ANK3: variants seen among roughly 807,000 people sequenced by gnomAD.
ANK3 encodes the protein ankyrin-3.
Under a neutral mutation model 370.9 loss-of-function variants are expected in ANK3, and 57 were observed. The observed-to-expected ratio is 0.15, with a 90% confidence interval of 0.12 to 0.19. ANK3 has a LOEUF of 0.19. ANK3 is among the 10% of genes least tolerant of loss of function. The probability of loss-of-function intolerance (pLI) is 1.00; values close to 1 mark genes in which losing one functional copy is unlikely to be tolerated. For synonymous variants in ANK3, 1,929 were observed against 1,946.3 expected (o/e 0.99, Z 0.23); for missense variants, 4,439 against 5,302.1 (o/e 0.84, Z 5.06).
At chr10:60,264,702 A>AAT in intron 5 of ANK3, among the ~76,000 whole-genome samples, 1 of 152,308 alleles carries the variant, frequency 6.6e-6, no homozygotes, top group Admixed American at 6.5e-5. Flanking sequence ...AGATCATTTA[A>AAT]ATAAGATGTA....
chr10:60,234,579 C>G (rs1401344716), intron 8 of ANK3, 109 bp downstream of exon 8: 4 of 628,446 alleles, frequency 6.4e-6, no homozygotes, highest in Non-Finnish European at 1.1e-5. Context: ...GAGACTATAA[C>G]AAATAGAACA....
At chr10:60,227,326 C>T (rs1565829485) in intron 8 of ANK3, among the ~76,000 whole-genome samples, 1 of 151,958 alleles carries the variant, frequency 6.6e-6, no homozygotes, top group Non-Finnish European at 1.5e-5. Context: ...CTTTCCCATT[C>T]ATGATATGTC....
intron 23 of ANK3, among the ~76,000 whole-genome samples, chr10:60,148,242 T>C (rs1384641086): frequency 6.6e-6 from 1 of 152,122 alleles, no homozygotes; most frequent in South Asian, 2.1e-4. Context: ...GTTTTTTTTT[T>C]AGTACAAACC....
intron 1 of ANK3, among the ~76,000 whole-genome samples, chr10:60,364,305 A>AG (rs1458151935): frequency 1.3e-5 from 2 of 151,884 alleles, no homozygotes; most frequent in African/African-American, 4.8e-5. Flanking sequence ...AAAAAAAAAA[A>AG]AGAGAAAATG....
At chr10:60,129,626 G>A (rs1420324919) in intron 25 of ANK3, among the ~76,000 whole-genome samples, 1 of 152,148 alleles carries the variant, frequency 6.6e-6, no homozygotes, top group Non-Finnish European at 1.5e-5. Context: ...GGTGGCACAT[G>A]CCTGTAATTC....
intron 2 of ANK3, among the ~76,000 whole-genome samples, chr10:60,583,042 T>C (rs1028025296): frequency 1.2e-4 from 19 of 152,340 alleles, no homozygotes; most frequent in African/African-American, 4.6e-4. Flanking sequence ...ATCAATATGT[T>C]GAAGAGATAT....
chr10:60,491,241 A>G (rs1484707464), intron 2 of ANK3, among the ~76,000 whole-genome samples: 1 of 152,160 alleles, frequency 6.6e-6, no homozygotes, highest in Non-Finnish European at 1.5e-5. Flanking sequence ...CAACATTTGT[A>G]TATTAGTCTT....
At chr10:60,494,568 A>C (rs1321724933) in intron 2 of ANK3, among the ~76,000 whole-genome samples, 1 of 152,180 alleles carries the variant, frequency 6.6e-6, no homozygotes, top group Non-Finnish European at 1.5e-5. Flanking sequence ...GATGCTTGAC[A>C]TATAGTTTGC....
chr10:60,716,247 C>T (rs2079786551), intron 1 of ANK3, among the ~76,000 whole-genome samples: 1 of 152,002 alleles, frequency 6.6e-6, no homozygotes, highest in South Asian at 2.1e-4. Flanking sequence ...CTTGCCCTCT[C>T]AAGAAAAACT....
intron 2 of ANK3, among the ~76,000 whole-genome samples, chr10:60,486,323 A>G (rs2075346344): frequency 6.6e-6 from 1 of 152,238 alleles, no homozygotes; most frequent in African/African-American, 2.4e-5. Flanking sequence ...TCATGCCTGT[A>G]ATCCCAGCAC....
At chr10:60,300,431 G>C (rs1170428692) in intron 1 of ANK3, 4 of 1,288,706 alleles carry the variant, frequency 3.1e-6, no homozygotes, top group African/African-American at 1.5e-5. Context: ...AAAAATATCT[G>C]CCTTCGGAAA....
At position 60,395,549 on chromosome 10, in the gene ANK3, CCTCTTTCTTTCTTTCTTTCT is replaced by C. The variant is rs1194001698; in HGVS notation, c.97-115930_97-115911del. Among the ~76,000 whole-genome samples the C allele has an allele frequency of 4.5e-4, 54 of 119,094 alleles. 1 individual carries two copies. Among genetic ancestry groups the C allele is most frequent in the East Asian group, 4.5e-3 (17 of 3,784 alleles). 78.1% of individuals were successfully genotyped at this position (119,094 alleles called of 152,430 possible). A position where few individuals can be genotyped will look rare whatever the true frequency, so the allele number is the denominator to read the frequency against. ...GAACACTTAGCAATCAACTACTATG[CCTCTTTCTTTCTTTCTTTCT>C]TTCTTTCTTTCTTTCTTTCTTTCTT... is the stretch of plus-strand genomic sequence containing the variant. On this transcript the variant is annotated intron_variant, in intron 2 of 43. Coordinates refer to the ANK3 transcript ENST00000373827.
At chr10:60,119,005 C>T (rs371525732) in intron 25 of ANK3, among the ~76,000 whole-genome samples, 1 of 152,154 alleles carries the variant, frequency 6.6e-6, no homozygotes, top group South Asian at 2.1e-4. Context: ...TTTGTTGTAA[C>T]ACGAACAAAT....
intron 2 of ANK3, among the ~76,000 whole-genome samples, chr10:60,419,780 C>T (rs925777485): frequency 6.6e-6 from 1 of 152,142 alleles, no homozygotes; most frequent in Non-Finnish European, 1.5e-5. Flanking sequence ...TGAGGCCACA[C>T]TTTCACAGGG....
chr10:60,701,139 GA>G (rs2079540591), intron 1 of ANK3, among the ~76,000 whole-genome samples: 1 of 151,500 alleles, frequency 6.6e-6, no homozygotes, highest in South Asian at 2.1e-4. Flanking sequence ...TTACTTATAT[GA>G]AAAAAAGGTT....
intron 16 of ANK3, among the ~76,000 whole-genome samples, chr10:60,195,388 C>T (rs1404391714): frequency 1.4e-5 from 1 of 71,780 alleles, no homozygotes; most frequent in Non-Finnish European, 3.1e-5. Flanking sequence ...CGTCTCCCTC[C>T]AAAAAAAAAA....
intron 1 of ANK3, among the ~76,000 whole-genome samples, chr10:60,644,908 T>C (rs569490906): frequency 1.9e-5 from 1 of 52,458 alleles, no homozygotes; most frequent in South Asian, 9.7e-4. Context: ...AAAAAAACGA[T>C]GAGTCATTGC....
intron 16 of ANK3, among the ~76,000 whole-genome samples, chr10:60,190,054 A>G (rs1283197672): frequency 6.6e-6 from 1 of 152,228 alleles, no homozygotes; most frequent in East Asian, 1.9e-4. Context: ...GCCACAGGAA[A>G]TAGATTGGAC....
At chr10:60,141,274 T>C (rs1389693372) in intron 23 of ANK3, among the ~76,000 whole-genome samples, 2 of 152,100 alleles carry the variant, frequency 1.3e-5, no homozygotes, top group African/African-American at 4.8e-5. Flanking sequence ...TGGCCCAAGT[T>C]CTTTCAACTA....
Sources: gnomAD v4.1 joint callset for allele counts (sites outside exome capture counted in the v4.1 genomes callset) on GRCh38, gnomAD v4.1.1 for gene constraint, MANE v1.5 for transcripts, NCBI Gene and HGNC (gene_info 2026-07-23, HGNC 2026-07-21) for gene names.